DLG2: variants seen among roughly 807,000 people sequenced by gnomAD.
DLG2 encodes the protein discs large MAGUK scaffold protein 2.
DLG2 carries 45 observed loss-of-function variants against 132.5 expected under a neutral mutation model. The ratio of observed to expected loss-of-function variants is 0.34; its 90% CI spans 0.27 to 0.44. The LOEUF (loss-of-function observed/expected upper bound fraction) is 0.44, where lower values mean the gene tolerates loss of function less well. Among genes scored for constraint, DLG2 ranks in the 20% least tolerant of loss-of-function variants. The probability of loss-of-function intolerance (pLI) is 1.00; values close to 1 mark genes in which losing one functional copy is unlikely to be tolerated. For synonymous variants in DLG2, 424 were observed against 419.6 expected, an observed-to-expected ratio of 1.01 and a Z score of -0.13; for missense variants, 1,045 against 1,196.9, an observed-to-expected ratio of 0.87 and a Z score of 1.87.
At chr11:84,517,269 T>C (rs1231557722) in intron 7 of DLG2, among the ~76,000 whole-genome samples, 7 of 151,398 alleles carry the variant, frequency 4.6e-5, no homozygotes, top group African/African-American at 1.7e-4. Context: ...GAATTAATAT[T>C]CAAAATATAT....
intron 6 of DLG2, among the ~76,000 whole-genome samples, chr11:85,028,007 G>T (rs2060682901): frequency 6.6e-6 from 1 of 152,176 alleles, no homozygotes; most frequent in Non-Finnish European, 1.5e-5. Context: ...TGGATAATTT[G>T]AGGGTGACCA....
intron 18 of DLG2, among the ~76,000 whole-genome samples, chr11:83,726,801 A>T (rs2090092597): frequency 6.6e-6 from 1 of 151,900 alleles, no homozygotes; most frequent in South Asian, 2.1e-4. Flanking sequence ...TGCTTTGAGG[A>T]GTATCATGAA....
chr11:84,424,627 C>G (rs1601876995), intron 7 of DLG2, among the ~76,000 whole-genome samples: 2 of 152,080 alleles, frequency 1.3e-5, no homozygotes, highest in African/African-American at 4.8e-5. Flanking sequence ...AACAAGGAAA[C>G]CTGGATCTAG....
chr11:83,769,507 G>T (rs1449122127), intron 18 of DLG2, among the ~76,000 whole-genome samples: 1 of 151,966 alleles, frequency 6.6e-6, no homozygotes, highest in Non-Finnish European at 1.5e-5. Context: ...TCCTCTCCTG[G>T]GGATGGAGTG....
Position 84,748,475 on chromosome 11 carries a change from G to A in DLG2, c.358-213744C>T, listed in dbSNP as rs942757943. Among the ~76,000 whole-genome samples, 8 of 152,238 alleles carry A rather than the reference G, an allele frequency of 5.3e-5. No individual in the cohort carries two copies. In the East Asian group the frequency reaches 1.5e-3, roughly 29 times the overall value. On this transcript the variant is annotated intron_variant, in intron 6 of 27. Transcript: ENST00000376104. Reference sequence around the variant, plus strand: ...ATATACTTCATTTCCTTTCTCTTGAGATATGGGCATGTATTTTTGGATTTA... The same window carrying A: ...ATATACTTCATTTCCTTTCTCTTGAAATATGGGCATGTATTTTTGGATTTA...
intron 9 of DLG2, among the ~76,000 whole-genome samples, chr11:84,114,125 G>A (rs1051886206): frequency 1.3e-5 from 2 of 151,132 alleles, no homozygotes; most frequent in African/African-American, 2.4e-5. Context: ...ATATTTAATG[G>A]GTTTATTATT....
At chr11:84,959,147 G>A (rs2052154578) in intron 6 of DLG2, among the ~76,000 whole-genome samples, 1 of 152,080 alleles carries the variant, frequency 6.6e-6, no homozygotes, top group South Asian at 2.1e-4. Flanking sequence ...AAATGCAAAT[G>A]ATGGATTCTA....
At chr11:85,121,383 TATG>T (rs1358735898) in intron 5 of DLG2, among the ~76,000 whole-genome samples, 1 of 150,738 alleles carries the variant, frequency 6.6e-6, no homozygotes, top group Non-Finnish European at 1.5e-5. Context: ...ATAGTATATT[TATG>T]ATAAATATGT....
chr11:84,955,778 A>G (rs1479509521), intron 6 of DLG2: 1 of 152,190 alleles, frequency 6.6e-6, no homozygotes, highest in East Asian at 1.9e-4. Flanking sequence ...CCAGCACTCT[A>G]CTAGCTCATA....
intron 6 of DLG2, among the ~76,000 whole-genome samples, chr11:84,912,327 T>A (rs924227882): frequency 5.9e-5 from 9 of 152,172 alleles, no homozygotes. Context: ...GGCTACTTTT[T>A]TGTATTTTTT....
chr11:85,252,636 T>C (rs2076456283), intron 4 of DLG2, among the ~76,000 whole-genome samples: 1 of 152,146 alleles, frequency 6.6e-6, no homozygotes, highest in South Asian at 2.1e-4. Flanking sequence ...CATGGTGATA[T>C]ATGTTCTTAT....
At chr11:85,272,772 C>A (rs2077621039) in intron 4 of DLG2, among the ~76,000 whole-genome samples, 2 of 151,968 alleles carry the variant, frequency 1.3e-5, no homozygotes, top group Non-Finnish European at 2.9e-5. Context: ...TCATATGGAA[C>A]CAAAAAAGAG....
Position 83,546,549 on chromosome 11 carries a change from T to C in DLG2, c.1941-4691A>G, listed in dbSNP as rs191303090. ...GTGAGTTCCTCTTTGTTATTATTTC[T>C]GACAACAATTCTGCCATGTAAGCAT... On this transcript the variant is annotated intron_variant, in intron 19 of 27. Coordinates refer to ENST00000376104, the MANE Select transcript of DLG2 (RefSeq NM_001142699.3). Among the ~76,000 whole-genome samples the C allele has an allele frequency of 3.9e-5, 6 of 152,264 alleles. No homozygotes were observed. The East Asian group carries it at 1.2e-3, about 29-fold the overall frequency.
At chr11:85,048,613 C>T (rs1407471365) in intron 6 of DLG2, among the ~76,000 whole-genome samples, 1 of 151,934 alleles carries the variant, frequency 6.6e-6, no homozygotes, top group African/African-American at 2.4e-5. Flanking sequence ...ATTTTTAAAA[C>T]ATTATCCTAT....
intron 6 of DLG2, among the ~76,000 whole-genome samples, chr11:84,857,789 T>C (rs1690525870): frequency 2.6e-5 from 4 of 152,114 alleles, no homozygotes; most frequent in Admixed American, 2.0e-4. Flanking sequence ...CCAAGATCTT[T>C]GGCCTGTTGT....
intron 25 of DLG2, among the ~76,000 whole-genome samples, chr11:83,467,089 C>A (rs1018241363): frequency 7.2e-5 from 11 of 152,158 alleles, no homozygotes; most frequent in African/African-American, 2.7e-4. Flanking sequence ...CCTGATGTAA[C>A]ACACAAAGAT....
At chr11:84,626,191 G>C (rs2099622214) in intron 6 of DLG2, among the ~76,000 whole-genome samples, 1 of 152,180 alleles carries the variant, frequency 6.6e-6, no homozygotes, top group African/African-American at 2.4e-5. Context: ...GATCTTAAAA[G>C]AACATATGTA....
intron 6 of DLG2, among the ~76,000 whole-genome samples, chr11:85,065,982 T>C (rs2064858062): frequency 6.6e-6 from 1 of 151,158 alleles, no homozygotes; most frequent in African/African-American, 2.4e-5. Context: ...TAAACAAAAG[T>C]GAGATAATAA....
chr11:85,542,586 C>A (rs2076041474), intron 3 of DLG2, among the ~76,000 whole-genome samples: 1 of 152,060 alleles, frequency 6.6e-6, no homozygotes, highest in South Asian at 2.1e-4. Context: ...ACAACATGAA[C>A]AATACAAAGA....
Sources: gnomAD v4.1 joint callset for allele counts (sites outside exome capture counted in the v4.1 genomes callset) on GRCh38, gnomAD v4.1.1 for gene constraint, MANE v1.5 for transcripts, NCBI Gene and HGNC (gene_info 2026-07-23, HGNC 2026-07-21) for gene names.